The following COL15A1 variants were observed in gnomAD, a reference collection of about 807,000 sequenced individuals.
COL15A1 encodes the protein collagen type XV alpha 1 chain.
In COL15A1, 111 loss-of-function variants were observed where a neutral mutation model predicts 165.9. That is an observed-to-expected ratio of 0.67 (90% confidence interval 0.57 to 0.78). COL15A1 has a LOEUF of 0.78. Among genes scored for constraint, COL15A1 ranks in the 30% least tolerant of loss-of-function variants. COL15A1 has a pLI of 0.00. For missense variants in COL15A1, 1,745 were observed against 1,789.7 expected (o/e 0.98, Z 0.45); for synonymous variants, 659 against 674.8 (o/e 0.98, Z 0.36).
At chr9:98,947,475 TCTAA>T (rs1313862849) in intron 2 of COL15A1, among the ~76,000 whole-genome samples, 11 of 152,224 alleles carry the variant, frequency 7.2e-5, no homozygotes, top group African/African-American at 9.7e-5. Context: ...ACTAAAATAA[TCTAA>T]CTATACATTT....
At chr9:99,011,423 A>ACAAAAC (rs1554688115) in intron 9 of COL15A1, among the ~76,000 whole-genome samples, 1 of 135,136 alleles carries the variant, frequency 7.4e-6, no homozygotes, top group Non-Finnish European at 1.6e-5. Context: ...AAAAAAAAAA[A>ACAAAAC]AGTCATTTTA....
At chr9:98,956,850 A>G (rs1395121426) in intron 2 of COL15A1, among the ~76,000 whole-genome samples, 14 of 152,238 alleles carry the variant, frequency 9.2e-5, no homozygotes, top group Admixed American at 9.2e-4. Flanking sequence ...CATCTAGGGG[A>G]CTGAGGATAG....
chr9:99,028,760 T>C (rs1247114697), intron 16 of COL15A1, among the ~76,000 whole-genome samples: 3 of 152,038 alleles, frequency 2.0e-5, no homozygotes, highest in Non-Finnish European at 4.4e-5. Flanking sequence ...AGGTGATGGG[T>C]GCACCAAAAT....
intron 20 of COL15A1, 30 bp downstream of exon 20, chr9:99,036,235 G>A (rs1839299369): frequency 6.2e-7 from 1 of 1,612,986 alleles, no homozygotes; most frequent in South Asian, 1.1e-5. Context: ...GTGGGGGTGG[G>A]AGGGCTTTCC....
intron 26 of COL15A1, among the ~76,000 whole-genome samples, chr9:99,047,064 A>G (rs1388162289): frequency 1.3e-5 from 2 of 152,220 alleles, no homozygotes; most frequent in African/African-American, 4.8e-5. Context: ...AGGGTTGGAA[A>G]GGCGCAGACT....
At position 99,055,089 on chromosome 9, in the gene COL15A1, A is replaced by G. The variant is rs1474655726; in HGVS notation, c.3032-13A>G. 2 of 1,608,226 alleles carry G rather than the reference A, an allele frequency of 1.2e-6. No individual in the cohort carries two copies. The highest frequency in any genetic ancestry group is 1.1e-5 in the South Asian group (1 of 90,976). On this transcript the variant is annotated splice_polypyrimidine_tract_variant and intron_variant, in intron 32 of 41. Transcript: ENST00000375001. ...ATTACAATCGTGAATTTTACGAAGC[A>G]TTTCTTTTTCAGGTCCTCCACTTGA...
At chr9:98,945,051 C>T (rs1837555682) in intron 2 of COL15A1, among the ~76,000 whole-genome samples, 1 of 152,136 alleles carries the variant, frequency 6.6e-6, no homozygotes, top group Non-Finnish European at 1.5e-5. Context: ...TTTTACCTTC[C>T]TAGAAATGTT....
chr9:99,059,681 A>G (rs986271423), intron 35 of COL15A1, among the ~76,000 whole-genome samples: 5 of 152,240 alleles, frequency 3.3e-5, no homozygotes, highest in African/African-American at 1.2e-4. Context: ...CCAGGGTAAC[A>G]ATCAAGAATC....
intron 2 of COL15A1, among the ~76,000 whole-genome samples, chr9:98,952,999 A>C (rs527423330): frequency 6.6e-6 from 1 of 152,290 alleles, no homozygotes; most frequent in East Asian, 1.9e-4. Flanking sequence ...TTAAGCCACG[A>C]ATTCTTTAGT....
chr9:99,034,657 A>T (rs1421993201), intron 17 of COL15A1, 73 bp downstream of exon 17: 4 of 1,407,550 alleles, frequency 2.8e-6, no homozygotes, highest in South Asian at 2.8e-5. Flanking sequence ...GTTTACTATA[A>T]TTGGACTGCT....
intron 23 of COL15A1, 101 bp downstream of exon 23, chr9:99,040,657 C>T (rs1588529092): frequency 3.1e-6 from 5 of 1,590,174 alleles, no homozygotes; most frequent in South Asian, 2.2e-5. Flanking sequence ...CATGACTGAG[C>T]TCCAGGGGCA....
chr9:99,020,431 A>G lies in COL15A1; in HGVS notation c.1690A>G (p.Lys564Glu), dbSNP rs781372236. ...GGGAATGAAAGGACAGGCTGGGCCC[A>G]AAGGAGAAAAGGTTTGTGCTGTGAC... ...HVGMKGQAGP[K>E]GEKGDAGEEL... Residue 564 changes from lysine to glutamate, a missense_variant, in exon 12 of 42, where the codon AAA (lysine) becomes GAA (glutamate). Coordinates refer to ENST00000375001, the MANE Select transcript of COL15A1 (RefSeq NM_001855.5). The G allele has an allele frequency of 6.2e-7, 1 of 1,612,112 alleles. No homozygotes were observed. The highest frequency in any genetic ancestry group is 1.3e-5 in the African/African-American group (1 of 74,896).
intron 2 of COL15A1, among the ~76,000 whole-genome samples, chr9:98,956,019 G>T (rs1336474688): frequency 2.0e-5 from 3 of 152,176 alleles, no homozygotes; most frequent in African/African-American, 7.2e-5. Context: ...AATACCAAGG[G>T]TATGGCTGGG....
chr9:98,953,554 C>T (rs905543441), intron 2 of COL15A1, among the ~76,000 whole-genome samples: 1 of 152,190 alleles, frequency 6.6e-6, no homozygotes, highest in East Asian at 1.9e-4. Context: ...AAACCCATCC[C>T]AACCCAACCA....
chr9:99,050,642 C>T lies in COL15A1; in HGVS notation c.2904+747C>T, dbSNP rs146160412. On this transcript the variant is annotated intron_variant, in intron 30 of 41. Coordinates refer to ENST00000375001, the MANE Select transcript of COL15A1 (RefSeq NM_001855.5). The stretch of plus-strand genomic sequence containing the variant: ...ACAGAACCATGCATAATCATTCTCT[C>T]ATTCATTCGACAAATATTTATTGAG... Among the ~76,000 whole-genome samples, 4 of 152,362 alleles carry T rather than the reference C, an allele frequency of 2.6e-5. No individual in the cohort carries two copies. The East Asian group carries it at 7.7e-4, about 29-fold the overall frequency.
intron 12 of COL15A1, among the ~76,000 whole-genome samples, chr9:99,020,772 C>CGGGCTCT (rs969849166): frequency 9.8e-5 from 15 of 152,328 alleles, no homozygotes; most frequent in African/African-American, 3.4e-4. Flanking sequence ...CTTCTGTGTC[C>CGGGCTCT]GGGCTCTGGG....
intron 13 of COL15A1, among the ~76,000 whole-genome samples, chr9:99,023,142 G>A (rs540379669): frequency 6.6e-5 from 10 of 152,284 alleles, no homozygotes; most frequent in South Asian, 2.1e-4. Context: ...AAAGGAGGCC[G>A]AGGACATGAG....
At chr9:99,047,105 A>T (rs1209605517) in intron 26 of COL15A1, among the ~76,000 whole-genome samples, 1 of 152,206 alleles carries the variant, frequency 6.6e-6, no homozygotes, top group Non-Finnish European at 1.5e-5. Flanking sequence ...GAAGACATAC[A>T]TCATCAGTGG....
In COL15A1 at chr9:98,950,177, C is replaced by T. The variant is rs763013151; in HGVS notation, c.100+5927C>T. 1.4e-4 allele frequency among the ~76,000 whole-genome samples: 22 copies of T among 152,086 alleles called. 1 individual carries two copies. The highest frequency in any genetic ancestry group is 8.3e-4 in the South Asian group (4 of 4,834). On this transcript the variant is annotated intron_variant, in intron 2 of 41. Transcript: ENST00000375001. ...TGCATACAAGTATTCGGATGCTTGA[C>T]GGCCTGTTTCTACTTCTTTGCACCT...
Sources: allele counts gnomAD v4.1 joint callset (sites outside exome capture counted in the v4.1 genomes callset), GRCh38; gene constraint gnomAD v4.1.1; transcripts MANE v1.5; gene names NCBI Gene and HGNC (gene_info 2026-07-23, HGNC 2026-07-21).